Variants in SLCO1C1 observed in about 807,000 individuals in gnomAD.
The protein encoded by SLCO1C1 is solute carrier organic anion transporter family member 1C1, also known as OAT-RP-5.
SLCO1C1 carries 70 observed loss-of-function variants against 76.4 expected under a neutral mutation model. The ratio of observed to expected loss-of-function variants is 0.92; its 90% CI spans 0.76 to 1.12. The LOEUF (loss-of-function observed/expected upper bound fraction) is 1.12. SLCO1C1 is among the 50% of genes most tolerant of loss of function. The pLI, the probability that SLCO1C1 is intolerant of heterozygous loss-of-function variation, is 0.00. For missense variants in SLCO1C1, 912 were observed against 823.8 expected, an observed-to-expected ratio of 1.11 and a Z score of -1.31; for synonymous variants, 306 against 286.1, an observed-to-expected ratio of 1.07 and a Z score of -0.70.
intron 3 of SLCO1C1, among the ~76,000 whole-genome samples, chr12:20,704,767 G>A (rs752401551): frequency 3.3e-5 from 5 of 151,280 alleles, no homozygotes; most frequent in Non-Finnish European, 7.4e-5. Context: ...AATTGGAAAT[G>A]AGGAGAACTT....
At chr12:20,727,207 G>C (rs887768441) in intron 9 of SLCO1C1, among the ~76,000 whole-genome samples, 1 of 152,068 alleles carries the variant, frequency 6.6e-6, no homozygotes, top group African/African-American at 2.4e-5. Context: ...TTTCTTTTGG[G>C]TTTATACCCA....
chr12:20,740,675 A>G (rs909376446), intron 12 of SLCO1C1, among the ~76,000 whole-genome samples: 3 of 150,878 alleles, frequency 2.0e-5, no homozygotes, highest in African/African-American at 7.3e-5. Context: ...AATAATAATT[A>G]GCATAGGTAA....
intron 5 of SLCO1C1, among the ~76,000 whole-genome samples, 199 bp downstream of exon 5, chr12:20,711,709 A>G (rs913064255): frequency 2.0e-5 from 3 of 151,796 alleles, no homozygotes; most frequent in Non-Finnish European, 4.4e-5. Flanking sequence ...AGATGATCAA[A>G]TCTTATGGAA....
rs80202360 is a variant in SLCO1C1, at chr12:20,720,195, G to GA, written c.776-1601dup. Among the ~76,000 whole-genome samples, 10 of 150,318 alleles carry GA rather than the reference G, an allele frequency of 6.7e-5. No homozygotes were observed. In the East Asian group the frequency reaches 9.7e-4, roughly 15 times the overall value. On this transcript the variant is annotated intron_variant, in intron 7 of 14. Coordinates refer to ENST00000266509, the MANE Select transcript of SLCO1C1 (RefSeq NM_017435.5). ...CCCACTGTTAGGATCTGCTGCTCAG[G>GA]AAAAAAAATATATATATATTCCTTT...
chr12:20,717,257 C>T, intron 7 of SLCO1C1, 27 bp downstream of exon 7: 1 of 1,545,242 alleles, frequency 6.5e-7, no homozygotes, highest in East Asian at 2.3e-5. Flanking sequence ...TTTATTTATT[C>T]ATGTATTTTA....
intron 9 of SLCO1C1, among the ~76,000 whole-genome samples, chr12:20,728,201 A>G (rs1336610125): frequency 6.6e-6 from 1 of 152,106 alleles, no homozygotes; most frequent in Non-Finnish European, 1.5e-5. Flanking sequence ...TATGATGATG[A>G]TAAGGGGTCC....
At chr12:20,703,284 G>A (rs2120619552) in intron 3 of SLCO1C1, among the ~76,000 whole-genome samples, 1 of 151,986 alleles carries the variant, frequency 6.6e-6, no homozygotes, top group East Asian at 1.9e-4. Flanking sequence ...TTATTTGTAT[G>A]TGGCAACTTT....
chr12:20,735,949 G>C (rs985122525), intron 10 of SLCO1C1, among the ~76,000 whole-genome samples: 1 of 152,090 alleles, frequency 6.6e-6, no homozygotes, highest in African/African-American at 2.4e-5. Context: ...ACAGTTCAGT[G>C]TATTTTTTGT....
chr12:20,750,136 G>C (rs1949226817), intron 13 of SLCO1C1, among the ~76,000 whole-genome samples: 1 of 152,194 alleles, frequency 6.6e-6, no homozygotes. Context: ...ACTTAATTCA[G>C]TGATGCAACC....
In SLCO1C1 at chr12:20,711,523, T is replaced by C. The variant is rs765368810; in HGVS notation, c.529+13T>C. ...AAAATAAGTAACGGTAAGATCATTT[T>C]TTTGACTTGACTAAACAAGCTTTTA... On this transcript the variant is annotated intron_variant, in intron 5 of 14. Coordinates refer to ENST00000266509, the MANE Select transcript of SLCO1C1 (RefSeq NM_017435.5). The C allele has an allele frequency of 3.1e-6, 5 of 1,612,066 alleles. No individual in the cohort carries two copies. Among genetic ancestry groups the C allele is most frequent in the Non-Finnish European group, 2.5e-6 (3 of 1,179,278 alleles).
intron 3 of SLCO1C1, among the ~76,000 whole-genome samples, chr12:20,704,339 T>TC (rs11392906): frequency 0.64 from 96,215 of 150,460 alleles, 30,982 homozygotes; most frequent in East Asian, 0.8. Flanking sequence ...TAAACAGAAG[T>TC]GTTTATTGTG....
rs916319605 is a variant in SLCO1C1 at position 20,711,242 on chromosome 12, T to C, written c.405-144T>C. Reference sequence around the variant, plus strand: ...CTACCTCTTCAGCAAAATCTGCTGTTAAACACTGGCTTGATTTGGTGAATT... The same window carrying C: ...CTACCTCTTCAGCAAAATCTGCTGTCAAACACTGGCTTGATTTGGTGAATT... On this transcript the variant is annotated intron_variant, in intron 4 of 14. Coordinates refer to ENST00000266509, the MANE Select transcript of SLCO1C1 (RefSeq NM_017435.5). The C allele has an allele frequency of 1.2e-5, 11 of 908,680 alleles. No individual in the cohort carries two copies. In the African/African-American group the frequency reaches 1.7e-4, roughly 14 times the overall value. 56.3% of individuals were successfully genotyped at this position (908,680 alleles called of 1,614,324 possible).
At chr12:20,747,496 A>G (rs1949102415) in intron 13 of SLCO1C1, among the ~76,000 whole-genome samples, 1 of 152,170 alleles carries the variant, frequency 6.6e-6, no homozygotes, top group Non-Finnish European at 1.5e-5. Flanking sequence ...ATAATTGTCA[A>G]AGCTATGATG....
intron 3 of SLCO1C1, among the ~76,000 whole-genome samples, chr12:20,705,601 TAAG>T (rs10547059): frequency 0.03 from 4,619 of 151,904 alleles, 197 homozygotes; most frequent in African/African-American, 0.099. Context: ...AAAGAAAAAA[TAAG>T]AAGTTTACTT....
chr12:20,727,671 G>A (rs7978316), intron 9 of SLCO1C1, among the ~76,000 whole-genome samples: 1 of 152,016 alleles, frequency 6.6e-6, no homozygotes, highest in Non-Finnish European at 1.5e-5. Context: ...CACCACGCCC[G>A]GCTAATTTTT....
At chr12:20,722,123 C>G in intron 8 of SLCO1C1, 74 bp downstream of exon 8, 1 of 1,499,996 alleles carries the variant, frequency 6.7e-7, no homozygotes, top group Non-Finnish European at 8.8e-7. Flanking sequence ...AATTACATCC[C>G]TCTCTTCCCT....
chr12:20,745,311 A>G (rs988994495), intron 13 of SLCO1C1, among the ~76,000 whole-genome samples: 4 of 152,160 alleles, frequency 2.6e-5, no homozygotes, highest in African/African-American at 9.6e-5. Flanking sequence ...ATAAGCATAC[A>G]TTGGTTAAAT....
At chr12:20,716,796 A>G (rs1410881634) in intron 6 of SLCO1C1, among the ~76,000 whole-genome samples, 1 of 152,232 alleles carries the variant, frequency 6.6e-6, no homozygotes, top group Non-Finnish European at 1.5e-5. Flanking sequence ...TTGACAAACT[A>G]TCAAAATTAA....
chr12:20,752,771 T>C lies in SLCO1C1; in HGVS notation c.*243T>C. 3.7e-6 allele frequency: 1 copy of C among 269,124 alleles called. No homozygotes were observed. Among genetic ancestry groups the C allele is most frequent in the Non-Finnish European group, 6.9e-6 (1 of 145,244 alleles). The allele number at this position is 269,124 out of a possible 1,614,324, so 16.7% of individuals were successfully genotyped here. A position where few individuals can be genotyped will look rare whatever the true frequency, so the allele number is the denominator to read the frequency against. On this transcript the variant is annotated 3_prime_UTR_variant, in exon 15 of 15. Coordinates refer to ENST00000266509, the MANE Select transcript of SLCO1C1 (RefSeq NM_017435.5). ...TAAATTATTTTATATCACTTACTTA[T>C]TTCACTTTATTTTGCTTTGTGCTCA...
Sources: gnomAD v4.1 joint callset for allele counts (sites outside exome capture counted in the v4.1 genomes callset) on GRCh38, gnomAD v4.1.1 for gene constraint, MANE v1.5 for transcripts, NCBI Gene and HGNC (gene_info 2026-07-23, HGNC 2026-07-21) for gene names.